STOML1: variants seen among roughly 807,000 people sequenced by gnomAD.
STOML1 encodes the protein stomatin-like protein 1.
Under a neutral mutation model 35.7 loss-of-function variants are expected in STOML1, and 27 were observed. That is an observed-to-expected ratio of 0.76 (90% confidence interval 0.56 to 1.04). The LOEUF (loss-of-function observed/expected upper bound fraction) is 1.04. STOML1 is among the 50% of genes least tolerant of loss of function. The probability of loss-of-function intolerance (pLI) is 0.00; values close to 1 mark genes in which losing one functional copy is unlikely to be tolerated. For synonymous variants in STOML1, 219 were observed against 227.9 expected (o/e 0.96, Z 0.35); for missense variants, 451 against 527.1 (o/e 0.86, Z 1.41).
In STOML1 at chr15:73,984,883, C is replaced by T; in HGVS notation, c.791-12G>A. 1 of 1,613,628 alleles carries T rather than the reference C, an allele frequency of 6.2e-7. No homozygotes were observed. Among genetic ancestry groups the T allele is most frequent in the Non-Finnish European group, 8.5e-7 (1 of 1,179,980 alleles). On this transcript the variant is annotated splice_polypyrimidine_tract_variant and intron_variant, in intron 5 of 6. Coordinates refer to ENST00000541638, the MANE Select transcript of STOML1 (RefSeq NM_004809.5). ...CTCCACGGTGTCTGCTGGGGGTGGC[C>T]AACAGGGTTGGGGAAGGAGGCAGAG...
rs2068969845 is a variant in STOML1 at position 73,982,295 on chromosome 15, G to T, written c.*1642C>A. 6.6e-6 allele frequency: 1 copy of T among 152,516 alleles called. No homozygotes were observed. Among genetic ancestry groups the T allele is most frequent in the South Asian group, 2.1e-4 (1 of 4,844 alleles). The allele number at this position is 152,516 out of a possible 1,614,324, so 9.4% of individuals were successfully genotyped here. On this transcript the variant is annotated 3_prime_UTR_variant, in exon 7 of 7. Coordinates refer to ENST00000541638, the MANE Select transcript of STOML1 (RefSeq NM_004809.5). ...GGGCCTCAAAGGGTGGCCACAGTGTGGCTGCGGGGATTGGAGGGCAGGCTT... is the reference window on the plus strand; with the variant it reads ...GGGCCTCAAAGGGTGGCCACAGTGTTGCTGCGGGGATTGGAGGGCAGGCTT...
rs368108098 is a variant in STOML1 at position 73,985,485 on chromosome 15, C to A, written c.623G>T (p.Trp208Leu). 7 of 1,541,496 alleles carry A rather than the reference C, an allele frequency of 4.5e-6. No individual in the cohort carries two copies. Among genetic ancestry groups the A allele is most frequent in the Non-Finnish European group, 6.1e-6 (7 of 1,145,310 alleles). Residue 208 changes from tryptophan to leucine, a missense_variant, in exon 5 of 7, where the codon TGG (tryptophan) becomes TTG (leucine). Physicochemically the swap from Trp to Leu is moderately conservative, Grantham distance 61. Transcript: ENST00000541638. Reference protein sequence around the residue: ...LLEINDVTRAWGLEVDRVELA... With the variant: ...LLEINDVTRALGLEVDRVELA... ...CTCCACGCGGTCTACCTCCAGCCCC[C>A]AGGCCCTGGTCACATCGTTGATCTC...
chr15:73,980,802 G>A lies in STOML1; in HGVS notation c.*3135C>T, dbSNP rs1460891106. 6.6e-6 allele frequency: 1 copy of A among 152,142 alleles called. No homozygotes were observed. The highest frequency in any genetic ancestry group is 1.5e-5 in the Non-Finnish European group (1 of 68,034). 9.4% of individuals were successfully genotyped at this position (152,142 alleles called of 1,614,324 possible). Reference sequence around the variant, plus strand: ...CACACCTGTAATCCCAGCACTTTGGGAGGCTGTGGTGGGAGGATCCTGCGA... The same window carrying A: ...CACACCTGTAATCCCAGCACTTTGGAAGGCTGTGGTGGGAGGATCCTGCGA... On this transcript the variant is annotated 3_prime_UTR_variant, in exon 7 of 7. Coordinates refer to ENST00000541638, the MANE Select transcript of STOML1 (RefSeq NM_004809.5).
rs190884280 is a variant in STOML1, at chr15:73,981,452, A to G, written c.*2485T>C. ...AACTATTATCATTATTCACCAGGTT[A>G]TCTTGAAGAAAAATATAATAAGAAG... On this transcript the variant is annotated 3_prime_UTR_variant, in exon 7 of 7. Coordinates refer to ENST00000541638, the MANE Select transcript of STOML1 (RefSeq NM_004809.5). The G allele has an allele frequency of 2.0e-5, 3 of 152,364 alleles. No homozygotes were observed. Among genetic ancestry groups the G allele is most frequent in the African/African-American group, 7.2e-5 (3 of 41,586 alleles). 9.4% of individuals were successfully genotyped at this position (152,364 alleles called of 1,614,324 possible). A position where few individuals can be genotyped will look rare whatever the true frequency, so the allele number is the denominator to read the frequency against.
Position 73,988,336 on chromosome 15 carries a change from A to G in STOML1, c.594+263T>C. ...GGCAGAGCAGTGAGGGGTAAAAACT[A>G]AGGGGCAGACCCCAAGAATGTCTGC... is the stretch of plus-strand genomic sequence containing the variant. On this transcript the variant is annotated intron_variant, in intron 4 of 6. Coordinates refer to ENST00000541638, the MANE Select transcript of STOML1 (RefSeq NM_004809.5). The surrounding 1 kb of genome is among the most constrained non-coding windows in gnomAD (Gnocchi z 4.8). 1 of 466,588 alleles carries G rather than the reference A, an allele frequency of 2.1e-6. No homozygotes were observed. The highest frequency in any genetic ancestry group is 3.9e-5 in the East Asian group (1 of 25,586). The allele number at this position is 466,588 out of a possible 1,614,324, so 28.9% of individuals were successfully genotyped here.
At position 73,984,763 on chromosome 15, in the gene STOML1, G is replaced by C; in HGVS notation, c.899C>G (p.Pro300Arg). 6.2e-7 allele frequency: 1 copy of C among 1,614,118 alleles called. No homozygotes were observed. Among genetic ancestry groups the C allele is most frequent in the Non-Finnish European group, 8.5e-7 (1 of 1,180,038 alleles). ...GCTGACCAGGGCCTCAGACAGGAAG[G>C]GCTGTAGAGCAGTCAGTAGCCCCTC... The part of the protein sequence containing the change: ...LAEGLLTALQ[P>R]FLSEALVSQV... The change falls in exon 6 of 7, where the codon CCC (proline) becomes CGC (arginine). Residue 300 changes from proline (P) to arginine (R), a missense_variant. Transcript: ENST00000541638.
Position 73,979,962 on chromosome 15 carries a change from T to G in STOML1, c.*3975A>C, listed in dbSNP as rs1490719090. ...GCCAGGCATGGTGATCCTTTAAGCC[T>G]GGGAGGTTGAGGCTGCAGTGAGCCA... On this transcript the variant is annotated 3_prime_UTR_variant, in exon 7 of 7. Coordinates refer to ENST00000541638, the MANE Select transcript of STOML1 (RefSeq NM_004809.5). The G allele has an allele frequency of 6.8e-6, 1 of 146,212 alleles. No homozygotes were observed. Among genetic ancestry groups the G allele is most frequent in the African/African-American group, 2.5e-5 (1 of 39,682 alleles). The allele number at this position is 146,212 out of a possible 1,614,324, so 9.1% of individuals were successfully genotyped here.
At chr15:73,989,395 A>T (rs1409732719) in intron 2 of STOML1, 138 bp from the exon 3 acceptor site, 13 of 1,072,268 alleles carry the variant, frequency 1.2e-5, no homozygotes, top group Non-Finnish European at 1.6e-5. Flanking sequence ...TCCAGATGAG[A>T]AAACCAAGGC....
In STOML1 at chr15:73,988,546, T is replaced by G; in HGVS notation, c.594+53A>C. Reference sequence around the variant, plus strand: ...TCTTTTCTCAAAGTGACCTGGCAGGTGGAGCCAGGCCGGTGCCACCCCTCA... The same window carrying G: ...TCTTTTCTCAAAGTGACCTGGCAGGGGGAGCCAGGCCGGTGCCACCCCTCA... On this transcript the variant is annotated intron_variant, in intron 4 of 6. Transcript: ENST00000541638. The surrounding 1 kb of genome is among the most constrained non-coding windows in gnomAD (Gnocchi z 4.8). The G allele has an allele frequency of 1.9e-6, 3 of 1,602,572 alleles. No homozygotes were observed. The highest frequency in any genetic ancestry group is 2.6e-6 in the Non-Finnish European group (3 of 1,173,252).
chr15:73,992,485 C>CT, upstream of STOML1: 1 of 324,212 alleles, frequency 3.1e-6, no homozygotes, highest in Non-Finnish European at 5.5e-6. Flanking sequence ...TCATCGCCTC[C>CT]TCCCCTCTTC....
In STOML1 at chr15:73,985,288, A is replaced by AC. The variant is rs35715747; in HGVS notation, c.790+29dup. On this transcript the variant is annotated intron_variant, in intron 5 of 6. Transcript: ENST00000541638. ...CTGTGCTGGCACCAAGCTGGTAAAC[A>AC]CCCCCGCTCTCCTCCCCAGGGCTCC... 1.2e-5 allele frequency: 18 copies of AC among 1,504,264 alleles called. No individual in the cohort carries two copies. The East Asian group carries it at 3.8e-4, about 31-fold the overall frequency. The allele number at this position is 1,504,264 out of a possible 1,614,324, so 93.2% of individuals were successfully genotyped here. A position where few individuals can be genotyped will look rare whatever the true frequency, so the allele number is the denominator to read the frequency against.
chr15:73,979,749 C>T lies in STOML1; in HGVS notation c.*4188G>A, dbSNP rs1447099470. ...AAACCAAACCAAACCCTGTTCTTTG[C>T]TGGAGCTAGAAATCCAAGACTTACA... On this transcript the variant is annotated 3_prime_UTR_variant, in exon 7 of 7. Transcript: ENST00000541638. 1.3e-5 allele frequency: 2 copies of T among 152,144 alleles called. No individual in the cohort carries two copies. The highest frequency in any genetic ancestry group is 3.9e-4 in the East Asian group (2 of 5,192). The allele number at this position is 152,144 out of a possible 1,614,324, so 9.4% of individuals were successfully genotyped here.
intron 1 of STOML1, chr15:73,990,871 CA>C (rs1386477805): frequency 2.6e-6 from 4 of 1,535,542 alleles, no homozygotes; most frequent in Non-Finnish European, 3.5e-6. Flanking sequence ...ATACTGCTGG[CA>C]AAACACATTC....
intron 1 of STOML1, chr15:73,991,524 G>A (rs559336522): frequency 6.6e-6 from 3 of 453,416 alleles, no homozygotes; most frequent in Admixed American, 4.7e-5. Context: ...AAGGTTAGGC[G>A]GTTAGGCTGA....
At chr15:73,989,509 C>T (rs1398481216) in intron 2 of STOML1, among the ~76,000 whole-genome samples, 2 of 152,210 alleles carry the variant, frequency 1.3e-5, no homozygotes, top group Non-Finnish European at 2.9e-5. Context: ...GTCTTAACTA[C>T]TGCACTGTAT....
At position 73,982,369 on chromosome 15, in the gene STOML1, C is replaced by T. The variant is rs1488374143; in HGVS notation, c.*1568G>A. 6.6e-6 allele frequency: 1 copy of T among 152,460 alleles called. No individual in the cohort carries two copies. The allele number at this position is 152,460 out of a possible 1,614,324, so 9.4% of individuals were successfully genotyped here. ...AAGCCCTGGGAGGGCCCATGAGAGG[C>T]CTCCAAGTAGGCAAAGGGGCAACAG... On this transcript the variant is annotated 3_prime_UTR_variant, in exon 7 of 7. Coordinates refer to ENST00000541638, the MANE Select transcript of STOML1 (RefSeq NM_004809.5).
At chr15:73,990,869 G>A in intron 1 of STOML1, 4 of 1,535,542 alleles carry the variant, frequency 2.6e-6, no homozygotes, top group South Asian at 2.4e-5. Context: ...GAATACTGCT[G>A]GCAAAACACA....
Position 73,985,599 on chromosome 15 carries a change from G to T in STOML1, c.595-86C>A. Reference sequence around the variant, plus strand: ...TTGGGCAGACTGTGTGGCCGTGCATGGACATGGAGGCACCACACCGCCCTT... The same window carrying T: ...TTGGGCAGACTGTGTGGCCGTGCATTGACATGGAGGCACCACACCGCCCTT... On this transcript the variant is annotated intron_variant, in intron 4 of 6. Coordinates refer to ENST00000541638, the MANE Select transcript of STOML1 (RefSeq NM_004809.5). 4 of 1,446,352 alleles carry T rather than the reference G, an allele frequency of 2.8e-6. No individual in the cohort carries two copies. In the African/African-American group the frequency reaches 4.4e-5, roughly 16 times the overall value. 89.6% of individuals were successfully genotyped at this position (1,446,352 alleles called of 1,614,324 possible). A position where few individuals can be genotyped will look rare whatever the true frequency, so the allele number is the denominator to read the frequency against.
At chr15:73,991,644 A>T in intron 1 of STOML1, 1 of 460,774 alleles carries the variant, frequency 2.2e-6, no homozygotes, top group South Asian at 1.5e-5. Flanking sequence ...TTTGGCCTGC[A>T]CATCCAGGAG....
Sources: allele counts gnomAD v4.1 joint callset (sites outside exome capture counted in the v4.1 genomes callset), GRCh38; gene constraint gnomAD v4.1.1; non-coding constraint Gnocchi (gnomAD v3.1); transcripts MANE v1.5; gene names NCBI Gene and HGNC (gene_info 2026-07-23, HGNC 2026-07-21).